Variants in NDUFA8 observed in about 807,000 individuals in gnomAD.
The protein encoded by NDUFA8 is NADH:ubiquinone oxidoreductase subunit A8, also known as NADH dehydrogenase [ubiquinone] 1 alpha subcomplex subunit 8.
Under a neutral mutation model 20.9 loss-of-function variants are expected in NDUFA8, and 16 were observed. The ratio of observed to expected loss-of-function variants is 0.77; its 90% CI spans 0.52 to 1.16. NDUFA8 has a LOEUF of 1.16. NDUFA8 is among the 50% of genes most tolerant of loss of function. The probability of loss-of-function intolerance (pLI) is 0.00; values close to 1 mark genes in which losing one functional copy is unlikely to be tolerated. For synonymous variants in NDUFA8, 70 were observed against 76.1 expected (o/e 0.92, Z 0.41); for missense variants, 202 against 216.4 (o/e 0.93, Z 0.42).
intron 1 of NDUFA8, among the ~76,000 whole-genome samples, chr9:122,158,262 C>A (rs1239041785): frequency 6.6e-6 from 1 of 152,158 alleles, no homozygotes; most frequent in African/African-American, 2.4e-5. Flanking sequence ...GTTCTACTAT[C>A]CAGCCCTGCC....
chr9:122,135,505 T>A, the NDUFA8 span, among the ~76,000 whole-genome samples: 2 of 152,198 alleles, frequency 1.3e-5, no homozygotes, highest in African/African-American at 4.8e-5. Flanking sequence ...ATGCTTCCAT[T>A]ACCAATCATC....
At chr9:122,136,791 G>C in the NDUFA8 span, among the ~76,000 whole-genome samples, 2 of 152,094 alleles carry the variant, frequency 1.3e-5, no homozygotes, top group Non-Finnish European at 2.9e-5. Flanking sequence ...TCCTGACCTC[G>C]TGATCCGCCC....
At chr9:122,133,999 G>A in the NDUFA8 span, among the ~76,000 whole-genome samples, 1 of 152,148 alleles carries the variant, frequency 6.6e-6, no homozygotes, top group East Asian at 1.9e-4. Flanking sequence ...CTGTGTTTCT[G>A]CGGGCAGGCC....
intron 3 of NDUFA8, among the ~76,000 whole-genome samples, chr9:122,145,451 A>C (rs2118696451): frequency 6.6e-6 from 1 of 151,946 alleles, no homozygotes; most frequent in Non-Finnish European, 1.5e-5. Flanking sequence ...AAGTAAGAAG[A>C]CATAAGGCCA....
At chr9:122,141,764 CTTG>C (rs1347527135), downstream of NDUFA8, among the ~76,000 whole-genome samples, 2 of 152,200 alleles carry the variant, frequency 1.3e-5, no homozygotes, top group Admixed American at 6.5e-5. Flanking sequence ...GAGACAGGCA[CTTG>C]TTGTGAGAGA....
chr9:122,157,461 C>T (rs1383568246), intron 1 of NDUFA8, among the ~76,000 whole-genome samples: 2 of 152,182 alleles, frequency 1.3e-5, no homozygotes, highest in African/African-American at 4.8e-5. Flanking sequence ...CATCTTCCCC[C>T]TTTCATAGTA....
Position 122,152,265 on chromosome 9 carries a change from CTTG to C in NDUFA8, c.192_194del (p.Asn64del). ...TTTACCTAAAGAAGTCCAAAGCACA[CTTG>C]TTGACCAGTTTGCCTTCCTCTAAAC... On this transcript the variant is annotated inframe_deletion, in exon 2 of 4. Transcript: ENST00000373768. The C allele has an allele frequency of 2.5e-6, 4 of 1,614,192 alleles. No homozygotes were observed. Among genetic ancestry groups the C allele is most frequent in the Non-Finnish European group, 3.4e-6 (4 of 1,180,044 alleles).
the NDUFA8 span, among the ~76,000 whole-genome samples, chr9:122,137,543 A>G: frequency 6.6e-6 from 1 of 152,174 alleles, no homozygotes; most frequent in Non-Finnish European, 1.5e-5. Flanking sequence ...GCCTAGCCAC[A>G]TGATTTCTAA....
At chr9:122,154,019 T>C (rs1413049277) in intron 1 of NDUFA8, among the ~76,000 whole-genome samples, 2 of 152,250 alleles carry the variant, frequency 1.3e-5, no homozygotes. Flanking sequence ...GCACAGTTTC[T>C]GTGTTAAGCA....
chr9:122,155,469 AAGG>A (rs1210678908), intron 1 of NDUFA8, among the ~76,000 whole-genome samples: 1 of 152,276 alleles, frequency 6.6e-6, no homozygotes, highest in Non-Finnish European at 1.5e-5. Context: ...ACACTATAGA[AAGG>A]AGAATAAAGT....
At chr9:122,151,588 T>C (rs1828999134) in intron 2 of NDUFA8, among the ~76,000 whole-genome samples, 1 of 152,170 alleles carries the variant, frequency 6.6e-6, no homozygotes, top group African/African-American at 2.4e-5. Context: ...ACTAAGAGAT[T>C]GTGAAAAGAG....
chr9:122,140,978 G>A (rs900829341), downstream of NDUFA8, among the ~76,000 whole-genome samples: 1 of 152,158 alleles, frequency 6.6e-6, no homozygotes, highest in South Asian at 2.1e-4. Flanking sequence ...GAACAAAGGG[G>A]CAGGAAAGAC....
downstream of NDUFA8, among the ~76,000 whole-genome samples, chr9:122,142,606 G>T (rs973760346): frequency 3.3e-5 from 5 of 152,152 alleles, no homozygotes; most frequent in African/African-American, 1.2e-4. Flanking sequence ...TCTTATATAT[G>T]AGACTGGGGC....
chr9:122,133,554 C>G, the NDUFA8 span, among the ~76,000 whole-genome samples: 56 of 152,332 alleles, frequency 3.7e-4, no homozygotes, highest in African/African-American at 1.3e-3. Flanking sequence ...CAGAGCCTCT[C>G]AGAAACAGGG....
At chr9:122,146,915 C>G (rs182456768) in intron 3 of NDUFA8, among the ~76,000 whole-genome samples, 1 of 152,164 alleles carries the variant, frequency 6.6e-6, no homozygotes, top group East Asian at 1.9e-4. Flanking sequence ...TGCCTTGCTA[C>G]CTGTGCTGCT....
At chr9:122,154,711 G>C (rs1829052248) in intron 1 of NDUFA8, among the ~76,000 whole-genome samples, 1 of 152,064 alleles carries the variant, frequency 6.6e-6, no homozygotes, top group Non-Finnish European at 1.5e-5. Context: ...GGACAATACA[G>C]ACGAAGAGCA....
chr9:122,150,402 C>T (rs1447020737), intron 2 of NDUFA8, among the ~76,000 whole-genome samples: 3 of 132,140 alleles, frequency 2.3e-5, no homozygotes, highest in Admixed American at 7.6e-5. Context: ...CAGAGTGACA[C>T]CCCATCACAA....
At chr9:122,155,279 A>G (rs1588295317) in intron 1 of NDUFA8, among the ~76,000 whole-genome samples, 1 of 152,138 alleles carries the variant, frequency 6.6e-6, no homozygotes, top group East Asian at 1.9e-4. Flanking sequence ...GGGTTCCTCC[A>G]TGTTGGTCAG....
chr9:122,134,221 T>G, the NDUFA8 span, among the ~76,000 whole-genome samples: 1 of 152,196 alleles, frequency 6.6e-6, no homozygotes, highest in Non-Finnish European at 1.5e-5. Context: ...TCAATTCACC[T>G]TTTCCAAATG....
Sources: gnomAD v4.1 joint callset for allele counts (sites outside exome capture counted in the v4.1 genomes callset) on GRCh38, gnomAD v4.1.1 for gene constraint, MANE v1.5 for transcripts, NCBI Gene and HGNC (gene_info 2026-07-23, HGNC 2026-07-21) for gene names.